The following PLXNC1 variants were observed in gnomAD, a reference collection of about 807,000 sequenced individuals.
PLXNC1 encodes plexin-C1.
Under a neutral mutation model 178.2 loss-of-function variants are expected in PLXNC1, and 75 were observed. The ratio of observed to expected loss-of-function variants is 0.42; its 90% confidence interval spans 0.35 to 0.51. The LOEUF (loss-of-function observed/expected upper bound fraction) is 0.51, where lower values mean the gene tolerates loss of function less well. Ranked by LOEUF, PLXNC1 falls within the 20% of genes least tolerant of loss-of-function variation. PLXNC1 has a pLI of 0.02. For missense variants in PLXNC1, 1,503 were observed against 1,984.4 expected, an observed-to-expected ratio of 0.76 and a Z score of 4.61; for synonymous variants, 790 against 779.9, an observed-to-expected ratio of 1.01 and a Z score of -0.22.
Position 94,233,011 on chromosome 12 carries a change from A to G in PLXNC1, c.1981-4653A>G, listed in dbSNP as rs141513387. Reference sequence around the variant, plus strand: ...TGATATTAATAAAAGTCAGTCTGGAAAGGACTCTAATATTGGCTTCTCTTG... The same window carrying G: ...TGATATTAATAAAAGTCAGTCTGGAGAGGACTCTAATATTGGCTTCTCTTG... On this transcript the variant is annotated intron_variant, in intron 9 of 30. Coordinates refer to ENST00000258526, the MANE Select transcript of PLXNC1 (RefSeq NM_005761.3). Among the ~76,000 whole-genome samples the G allele has an allele frequency of 3.5e-3, 528 of 152,328 alleles. 4 individuals carry two copies. Among genetic ancestry groups the G allele is most frequent in the Non-Finnish European group, 4.1e-3 (282 of 68,022 alleles).
At chr12:94,172,214 G>A (rs1248257693) in intron 2 of PLXNC1, among the ~76,000 whole-genome samples, 1 of 152,220 alleles carries the variant, frequency 6.6e-6, no homozygotes, top group African/African-American at 2.4e-5. Flanking sequence ...GCAGACAGTA[G>A]GAGGAGGAGA....
Position 94,188,109 on chromosome 12 carries a change from AAGAAAAGAATGGATCCTTTG to A in PLXNC1, c.1439+1637_1439+1656del, listed in dbSNP as rs1565800591. 2.0e-5 allele frequency among the ~76,000 whole-genome samples: 3 copies of A among 152,050 alleles called. No individual in the cohort carries two copies. The East Asian group carries it at 5.8e-4, about 30-fold the overall frequency. The stretch of plus-strand genomic sequence containing the variant: ...ATTCAGCTGAGAGGTCAAGCAGGAG[AAGAAAAGAATGGATCCTTTG>A]CACTTAGCAGGTGACAATGGGTGAC... On this transcript the variant is annotated intron_variant, in intron 4 of 30. Transcript: ENST00000258526.
In PLXNC1 at chr12:94,220,257, C is replaced by T. The variant is rs571444314; in HGVS notation, c.1702+94C>T. The stretch of plus-strand genomic sequence containing the variant: ...TTGCCCAAGGAATATGAATAGTTCC[C>T]CCTCTGTAGACTCACTCCCTCACTA... On this transcript the variant is annotated intron_variant, in intron 6 of 30. Transcript: ENST00000258526. The T allele has an allele frequency of 4.8e-6, 6 of 1,244,540 alleles. No individual in the cohort carries two copies. The East Asian group carries it at 1.4e-4, about 29-fold the overall frequency. The allele number at this position is 1,244,540 out of a possible 1,614,324, so 77.1% of individuals were successfully genotyped here.
intron 2 of PLXNC1, among the ~76,000 whole-genome samples, chr12:94,176,947 G>A (rs2135951720): frequency 6.6e-6 from 1 of 151,170 alleles, no homozygotes; most frequent in South Asian, 2.1e-4. Context: ...TTCCTTGTTT[G>A]TACTATAGTT....
intron 5 of PLXNC1, among the ~76,000 whole-genome samples, chr12:94,212,947 C>T (rs1480647641): frequency 1.3e-5 from 2 of 152,150 alleles, no homozygotes; most frequent in Non-Finnish European, 2.9e-5. Flanking sequence ...TCTCAATCTC[C>T]TGACCTCGTG....
chr12:94,210,731 C>T (rs547813911), intron 5 of PLXNC1, among the ~76,000 whole-genome samples: 2 of 152,136 alleles, frequency 1.3e-5, no homozygotes, highest in African/African-American at 4.8e-5. Flanking sequence ...AGTTATTTGG[C>T]TGTTGTCACT....
intron 2 of PLXNC1, among the ~76,000 whole-genome samples, chr12:94,174,380 G>A (rs1459848483): frequency 1.3e-5 from 2 of 151,924 alleles, no homozygotes; most frequent in African/African-American, 4.8e-5. Flanking sequence ...GTTTTGCCAT[G>A]TTGCCCAGGC....
chr12:94,280,917 A>G (rs1259995945), intron 22 of PLXNC1, among the ~76,000 whole-genome samples: 1 of 152,224 alleles, frequency 6.6e-6, no homozygotes, highest in African/African-American at 2.4e-5. Flanking sequence ...CCTATCAGCT[A>G]TGTCAGGCTT....
intron 9 of PLXNC1, among the ~76,000 whole-genome samples, chr12:94,232,535 G>A (rs1289843575): frequency 6.6e-6 from 1 of 152,228 alleles, no homozygotes; most frequent in East Asian, 1.9e-4. Flanking sequence ...GCCGGGTACT[G>A]TAGAATTAAC....
At chr12:94,240,753 C>T (rs2136051915) in intron 11 of PLXNC1, 89 bp downstream of exon 11, 1 of 1,051,844 alleles carries the variant, frequency 9.5e-7, no homozygotes, top group East Asian at 2.4e-5. Flanking sequence ...AATTCAGAAA[C>T]AGTGGTCATT....
intron 23 of PLXNC1, among the ~76,000 whole-genome samples, chr12:94,290,337 T>C (rs1565865516): frequency 6.6e-6 from 1 of 152,212 alleles, no homozygotes; most frequent in East Asian, 1.9e-4. Flanking sequence ...TTTAGTTTAA[T>C]TGCATCAAAT....
At position 94,181,541 on chromosome 12, in the gene PLXNC1, T is replaced by A. The variant is rs1261554414; in HGVS notation, c.1299T>A (p.Pro433=). 1 of 1,609,034 alleles carries A rather than the reference T, an allele frequency of 6.2e-7. No individual in the cohort carries two copies. The highest frequency in any genetic ancestry group is 8.5e-7 in the Non-Finnish European group (1 of 1,175,650). The change falls in exon 3 of 31, where the codon CCT becomes CCA. Residue 433 remains proline, a synonymous_variant. Coordinates refer to ENST00000258526, the MANE Select transcript of PLXNC1 (RefSeq NM_005761.3). ...TPVFYKLVPD[P]VKNIYIYLTA... ...TTTTCTACAAACTCGTTCCTGATCC[T>A]GTGAAGAATATCTACATTTATCTAA...
chr12:94,259,687 T>G lies in PLXNC1; in HGVS notation c.3204T>G (p.Thr1068=), dbSNP rs775256302. 8.7e-6 allele frequency: 14 copies of G among 1,612,568 alleles called. No homozygotes were observed. In the South Asian group the frequency reaches 1.3e-4, roughly 15 times the overall value. ...TCTGTAATAAAAGCTTTCTTGTTAC[T>G]GTCATCCACACCCTTGAAAAGCAGA... ...ALICNKSFLV[T]VIHTLEKQKN... Residue 1068 remains threonine (T), a synonymous_variant, in exon 19 of 31, where the codon ACT becomes ACG. Transcript: ENST00000258526.
chr12:94,289,441 T>C (rs1967053926), intron 23 of PLXNC1, among the ~76,000 whole-genome samples: 1 of 152,204 alleles, frequency 6.6e-6, no homozygotes, highest in Non-Finnish European at 1.5e-5. Context: ...CCAGTTCTGC[T>C]CTGGGCTGGA....
intron 7 of PLXNC1, among the ~76,000 whole-genome samples, chr12:94,225,545 G>T (rs17022262): frequency 6.6e-6 from 1 of 151,964 alleles, no homozygotes; most frequent in Non-Finnish European, 1.5e-5. Context: ...TAGGAAAAAA[G>T]GGTGTGAATT....
chr12:94,269,565 C>A (rs1331263721), intron 21 of PLXNC1, among the ~76,000 whole-genome samples: 1 of 152,204 alleles, frequency 6.6e-6, no homozygotes, highest in East Asian at 1.9e-4. Context: ...TTTGTCCTTG[C>A]AGAAGATCCA....
rs1964809635 is a variant in PLXNC1, at chr12:94,255,324, G to T, written c.3087+28G>T. 7 of 1,442,206 alleles carry T rather than the reference G, an allele frequency of 4.9e-6. No homozygotes were observed. The East Asian group carries it at 1.4e-4, about 28-fold the overall frequency. The allele number at this position is 1,442,206 out of a possible 1,614,324, so 89.3% of individuals were successfully genotyped here. A position where few individuals can be genotyped will look rare whatever the true frequency, so the allele number is the denominator to read the frequency against. On this transcript the variant is annotated intron_variant, in intron 17 of 30. Transcript: ENST00000258526. Reference sequence around the variant, plus strand: ...AAAAGAGCATTGATCATATTCCGAAGGTTGAGTCTTGAATAATAATGAAGG... The same window carrying T: ...AAAAGAGCATTGATCATATTCCGAATGTTGAGTCTTGAATAATAATGAAGG...
chr12:94,178,708 A>G (rs1962193332), intron 2 of PLXNC1, among the ~76,000 whole-genome samples: 1 of 152,204 alleles, frequency 6.6e-6, no homozygotes, highest in South Asian at 2.1e-4. Context: ...GTAGCCAGTC[A>G]CCTTAGGTAG....
At chr12:94,167,107 G>A in intron 1 of PLXNC1, among the ~76,000 whole-genome samples, 1 of 152,300 alleles carries the variant, frequency 6.6e-6, no homozygotes, top group East Asian at 1.9e-4. Flanking sequence ...CACCGGGAAA[G>A]GTGAGATGGT....
Sources: allele counts gnomAD v4.1 joint callset (sites outside exome capture counted in the v4.1 genomes callset), GRCh38; gene constraint gnomAD v4.1.1; transcripts MANE v1.5; gene names NCBI Gene and HGNC (gene_info 2026-07-23, HGNC 2026-07-21).